The following CDHR1 variants were observed in gnomAD, a reference collection of about 807,000 sequenced individuals.
The protein encoded by CDHR1 is cadherin-related family member 1.
A neutral mutation model predicts 72.1 loss-of-function variants in CDHR1; 61 were observed. The ratio of observed to expected loss-of-function variants is 0.85; its 90% confidence interval spans 0.69 to 1.05. CDHR1 has a LOEUF of 1.05. Among genes scored for constraint, CDHR1 ranks in the 50% least tolerant of loss-of-function variants. The probability of loss-of-function intolerance (pLI) is 0.00; values close to 1 mark genes in which losing one functional copy is unlikely to be tolerated. For synonymous variants in CDHR1, 470 were observed against 448.1 expected (o/e 1.05, Z -0.62); for missense variants, 1,186 against 1,115.7 (o/e 1.06, Z -0.90).
In CDHR1 at chr10:84,208,335, G is replaced by A. The variant is rs757752624; in HGVS notation, c.1125G>A (p.Glu375=). The change falls in exon 11 of 17, where the codon GAG becomes GAA. Residue 375 remains glutamate (E), a synonymous_variant. Transcript: ENST00000623527. ...TGAATGAGCACCCACCCCAGGGAGAGATCCTGCGGGGCCTCAAGATCACCG... is the reference window on the plus strand; with the variant it reads ...TGAATGAGCACCCACCCCAGGGAGAAATCCTGCGGGGCCTCAAGATCACCG... ...LSMNEHPPQG[E]ILRGLKITVN... The A allele has an allele frequency of 6.2e-7, 1 of 1,614,206 alleles. No homozygotes were observed. Among genetic ancestry groups the A allele is most frequent in the Non-Finnish European group, 8.5e-7 (1 of 1,180,038 alleles).
In CDHR1 at chr10:84,217,478, T is replaced by C; in HGVS notation, c.*2857T>C. 1 of 981,416 alleles carries C rather than the reference T, an allele frequency of 1.0e-6. No homozygotes were observed. Among genetic ancestry groups the C allele is most frequent in the Non-Finnish European group, 1.2e-6 (1 of 826,292 alleles). The allele number at this position is 981,416 out of a possible 1,614,324, so 60.8% of individuals were successfully genotyped here. A position where few individuals can be genotyped will look rare whatever the true frequency, so the allele number is the denominator to read the frequency against. On this transcript the variant is annotated 3_prime_UTR_variant, in exon 17 of 17. Coordinates refer to ENST00000623527, the MANE Select transcript of CDHR1 (RefSeq NM_033100.4). ...CTAGGTCTGAATTCTGGTTCTGCCA[T>C]TAATTGTGACTTTGGGCAAGAGGTC...
At chr10:84,211,564 G>T in intron 13 of CDHR1, 84 bp from the exon 14 acceptor site, 3 of 1,280,952 alleles carry the variant, frequency 2.3e-6, no homozygotes, top group Non-Finnish European at 3.4e-6. Flanking sequence ...TTGCTTTGTG[G>T]TTGAAAGCAA....
intron 6 of CDHR1, among the ~76,000 whole-genome samples, chr10:84,200,923 GA>G (rs1842113750): frequency 6.6e-6 from 1 of 152,152 alleles, no homozygotes; most frequent in Admixed American, 6.5e-5. Flanking sequence ...ACGTCCCCAG[GA>G]CCCTCAGCCC....
Position 84,218,687 on chromosome 10 carries a change from G to A in CDHR1, c.*4066G>A. On this transcript the variant is annotated 3_prime_UTR_variant, in exon 17 of 17. Transcript: ENST00000623527. ...AAATAAATAAGCTTCTCAAGGGCAT[G>A]ACAACTATATCGGAAACTGTAGCAT... 1.0e-6 allele frequency: 1 copy of A among 987,976 alleles called. No homozygotes were observed. The highest frequency in any genetic ancestry group is 1.2e-6 in the Non-Finnish European group (1 of 831,822). The allele number at this position is 987,976 out of a possible 1,614,324, so 61.2% of individuals were successfully genotyped here. A position where few individuals can be genotyped will look rare whatever the true frequency, so the allele number is the denominator to read the frequency against.
chr10:84,199,258 G>T (rs565614800), intron 5 of CDHR1, 137 bp downstream of exon 5: 1 of 729,110 alleles, frequency 1.4e-6, no homozygotes, highest in Non-Finnish European at 2.5e-6. Flanking sequence ...TCCAACATTC[G>T]CTTTTATTCC....
At position 84,208,207 on chromosome 10, in the gene CDHR1, G is replaced by A. The variant is rs1216720846; in HGVS notation, c.997G>A (p.Ala333Thr). The change falls in exon 11 of 17, where the codon GCC (alanine) becomes ACC (threonine). Residue 333 changes from alanine (A) to threonine (T), a missense_variant. Ala to Thr is a moderately conservative substitution (Grantham distance 58). Coordinates refer to ENST00000623527, the MANE Select transcript of CDHR1 (RefSeq NM_033100.4). ...AATGAGCCCTGCGGGGAGCCCAGCT[G>A]CCCAGGCCACCGTCCCAGTCACCAT... ...TEMSPAGSPA[A>T]QATVPVTIRI... 3.7e-6 allele frequency: 6 copies of A among 1,614,024 alleles called. No individual in the cohort carries two copies. Among genetic ancestry groups the A allele is most frequent in the African/African-American group, 1.3e-5 (1 of 74,910 alleles).
chr10:84,203,234 C>T, intron 8 of CDHR1, 111 bp downstream of exon 8: 1 of 1,425,830 alleles, frequency 7.0e-7, no homozygotes, highest in Non-Finnish European at 9.8e-7. Context: ...CGGTTGCCCT[C>T]CTCACACAGA....
At position 84,196,523 on chromosome 10, in the gene CDHR1, T is replaced by A; in HGVS notation, c.170T>A (p.Leu57Gln). ...CTTCCAGGCTCTCACGTATACACCC[T>A]GAATGGGACAGACCCTGAGGGAGAC... The part of the protein sequence containing the change: ...DTPVGSHVYT[L>Q]NGTDPEGDPI... The change falls in exon 3 of 17, where the codon CTG becomes CAG. Residue 57 changes from leucine (L) to glutamine (Q), a missense_variant. Physicochemically the swap from Leu to Gln is moderately radical, Grantham distance 113 (BLOSUM62 -2). Transcript: ENST00000623527. The A allele has an allele frequency of 6.2e-7, 1 of 1,614,252 alleles. No individual in the cohort carries two copies. Among genetic ancestry groups the A allele is most frequent in the Non-Finnish European group, 8.5e-7 (1 of 1,180,042 alleles).
intron 15 of CDHR1, 134 bp downstream of exon 15, chr10:84,212,541 T>C (rs1311129064): frequency 1.4e-6 from 1 of 716,596 alleles, no homozygotes; most frequent in African/African-American, 1.8e-5. Context: ...TAAGACATTT[T>C]GTATATCCCC....
chr10:84,201,975 C>A, intron 7 of CDHR1, 55 bp downstream of exon 7: 1 of 1,380,540 alleles, frequency 7.2e-7, no homozygotes, highest in South Asian at 1.2e-5. Context: ...TGGGTTGGAA[C>A]CAAGTTAGGT....
chr10:84,218,609 A>G lies in CDHR1; in HGVS notation c.*3988A>G. On this transcript the variant is annotated 3_prime_UTR_variant, in exon 17 of 17. Coordinates refer to ENST00000623527, the MANE Select transcript of CDHR1 (RefSeq NM_033100.4). ...TTTAAAAGCAAGTAGCCCTGCTTAC[A>G]AATGTCTCCTCAATCAAAGGCATTT... 1 of 985,640 alleles carries G rather than the reference A, an allele frequency of 1.0e-6. No individual in the cohort carries two copies. Among genetic ancestry groups the G allele is most frequent in the Non-Finnish European group, 1.2e-6 (1 of 830,058 alleles). 61.1% of individuals were successfully genotyped at this position (985,640 alleles called of 1,614,324 possible).
rs374395419 is a variant in CDHR1, at chr10:84,207,901, C to G, written c.964-273C>G. Among the ~76,000 whole-genome samples the G allele has an allele frequency of 9.8e-5, 15 of 152,298 alleles. No individual in the cohort carries two copies. In the South Asian group the frequency reaches 1.7e-3, roughly 17 times the overall value. On this transcript the variant is annotated intron_variant, in intron 10 of 16. Coordinates refer to ENST00000623527, the MANE Select transcript of CDHR1 (RefSeq NM_033100.4). ...GGTTCAGCTCCTTGCTGGCTGTTGG[C>G]TAGAGGTCACCATTAGTCTCTGTTA...
chr10:84,212,144 C>G lies in CDHR1; in HGVS notation c.1554-35C>G, dbSNP rs112390023. ...GTATGTATGCACATATGTGTATATG[C>G]GTGCACACCCATGCCTATGTGCTCT... On this transcript the variant is annotated intron_variant, in intron 14 of 16. Transcript: ENST00000623527. 15 of 1,507,004 alleles carry G rather than the reference C, an allele frequency of 1.0e-5. No individual in the cohort carries two copies. The South Asian group carries it at 1.6e-4, about 16-fold the overall frequency. 93.4% of individuals were successfully genotyped at this position (1,507,004 alleles called of 1,614,324 possible). A position where few individuals can be genotyped will look rare whatever the true frequency, so the allele number is the denominator to read the frequency against.
chr10:84,216,330 G>A lies in CDHR1; in HGVS notation c.*1709G>A, dbSNP rs1032121942. The stretch of plus-strand genomic sequence containing the variant: ...TGCTGGGGTTTCTACAGTCCCCAAC[G>A]TGAACAGTATTAAGCAAGAGGTGGA... On this transcript the variant is annotated 3_prime_UTR_variant, in exon 17 of 17. Coordinates refer to ENST00000623527, the MANE Select transcript of CDHR1 (RefSeq NM_033100.4). The A allele has an allele frequency of 1.2e-5, 12 of 985,362 alleles. No individual in the cohort carries two copies. The highest frequency in any genetic ancestry group is 1.7e-5 in the African/African-American group (1 of 57,244). 61.0% of individuals were successfully genotyped at this position (985,362 alleles called of 1,614,324 possible). A position where few individuals can be genotyped will look rare whatever the true frequency, so the allele number is the denominator to read the frequency against.
In CDHR1 at chr10:84,201,934, A is replaced by G. The variant is rs1294168114; in HGVS notation, c.639+14A>G. 4 of 1,581,208 alleles carry G rather than the reference A, an allele frequency of 2.5e-6. No individual in the cohort carries two copies. In the South Asian group the frequency reaches 4.4e-5, roughly 18 times the overall value. On this transcript the variant is annotated intron_variant, in intron 7 of 16. Transcript: ENST00000623527. ...GTGGTCGCCAAGGTAACACAGCAGG[A>G]CAGGGGAGCATCCAGTGTCTCCTCA...
intron 10 of CDHR1, 43 bp downstream of exon 10, chr10:84,205,970 C>T (rs1300943188): frequency 6.8e-7 from 1 of 1,476,066 alleles, no homozygotes; most frequent in Non-Finnish European, 9.5e-7. Context: ...ACCTTTGGCC[C>T]TGGAAGTCTA....
In CDHR1 at chr10:84,209,561, A is replaced by G. The variant is rs79656570; in HGVS notation, c.1320+680A>G. ...GATAAGGAAAGGAAGTAAGAAGTTCAAACTTTAGAAAGGAGGAAAAAAGAC... is the reference window on the plus strand; with the variant it reads ...GATAAGGAAAGGAAGTAAGAAGTTCGAACTTTAGAAAGGAGGAAAAAAGAC... On this transcript the variant is annotated intron_variant, in intron 12 of 16. Coordinates refer to ENST00000623527, the MANE Select transcript of CDHR1 (RefSeq NM_033100.4). 7.3e-3 allele frequency among the ~76,000 whole-genome samples: 1,116 copies of G among 152,156 alleles called. 35 individuals carry two copies. The highest frequency in any genetic ancestry group is 0.062 in the East Asian group (322 of 5,178).
At chr10:84,209,177 T>G (rs538621641) in intron 12 of CDHR1, among the ~76,000 whole-genome samples, 45 of 152,348 alleles carry the variant, frequency 3.0e-4, no homozygotes, top group African/African-American at 1.0e-3. Flanking sequence ...ATTATCAAGA[T>G]AGATGTTTTA....
At chr10:84,208,101 C>A in intron 10 of CDHR1, 73 bp from the exon 11 acceptor site, 1 of 1,317,658 alleles carries the variant, frequency 7.6e-7, no homozygotes, top group Non-Finnish European at 1.1e-6. Context: ...ATACATTCTG[C>A]AGGGGAGGTA....
Sources: allele counts gnomAD v4.1 joint callset (sites outside exome capture counted in the v4.1 genomes callset), GRCh38; gene constraint gnomAD v4.1.1; transcripts MANE v1.5; gene names NCBI Gene and HGNC (gene_info 2026-07-23, HGNC 2026-07-21).